Variants in PGP observed in about 807,000 individuals in gnomAD.
PGP encodes the protein phosphoglycolate phosphatase.
Under a neutral mutation model 19.3 loss-of-function variants are expected in PGP, and 9 were observed. That is an observed-to-expected ratio of 0.47 (90% CI 0.28 to 0.81). The LOEUF (loss-of-function observed/expected upper bound fraction) is 0.81. Ranked by LOEUF, PGP falls within the 40% of genes least tolerant of loss-of-function variation. The pLI is 0.11. For synonymous variants in PGP, 308 were observed against 226.8 expected, an observed-to-expected ratio of 1.36 and a Z score of -3.22; for missense variants, 403 against 479.9, an observed-to-expected ratio of 0.84 and a Z score of 1.50.
Position 2,212,519 on chromosome 16 carries a change from G to A in PGP, c.*1209C>T, listed in dbSNP as rs2093378068. ...CGCCCAGAACCTTGGCGAGCTGGTG[G>A]CCCTGCCAAGTCCTGCTGGCCACTG... On this transcript the variant is annotated 3_prime_UTR_variant, in exon 2 of 2. Transcript: ENST00000333503. The A allele has an allele frequency of 2.2e-5, 22 of 985,422 alleles. No homozygotes were observed. Among genetic ancestry groups the A allele is most frequent in the Non-Finnish European group, 2.7e-5 (22 of 829,992 alleles). The allele number at this position is 985,422 out of a possible 1,614,324, so 61.0% of individuals were successfully genotyped here. A position where few individuals can be genotyped will look rare whatever the true frequency, so the allele number is the denominator to read the frequency against.
In PGP at chr16:2,213,811, T is replaced by C; in HGVS notation, c.883A>G (p.Ser295Gly). The change falls in exon 2 of 2, where the codon AGT becomes GGT. Residue 295 changes from serine (S) to glycine (G), a missense_variant. Ser to Gly is a moderately conservative substitution (Grantham distance 56, BLOSUM62 0). Coordinates refer to ENST00000333503, the MANE Select transcript of PGP (RefSeq NM_001042371.3). ...ATTTTCTTCTTAGACACGCAGTCAC[T>C]TTCCTGATTATTCTTCACATCCCCT... ...TLGDVKNNQESDCVSKKKMVP... is the reference protein window; with the variant it reads ...TLGDVKNNQEGDCVSKKKMVP... 1 of 1,605,684 alleles carries C rather than the reference T, an allele frequency of 6.2e-7. No homozygotes were observed. Among genetic ancestry groups the C allele is most frequent in the Non-Finnish European group, 8.5e-7 (1 of 1,173,448 alleles).
At position 2,214,216 on chromosome 16, in the gene PGP, G is replaced by A. The variant is rs956377753; in HGVS notation, c.562C>T (p.Leu188=). ...ACGAGCAGGCAGCCGGGCTGCTGCAGGTAGCGCAGGGCCTTGGTGAGCTTC... is the reference window on the plus strand; with the variant it reads ...ACGAGCAGGCAGCCGGGCTGCTGCAAGTAGCGCAGGGCCTTGGTGAGCTTC... The part of the protein sequence containing the change: ...YMKLTKALRY[L]QQPGCLLVGT... Residue 188 remains leucine (L), a synonymous_variant, in exon 1 of 2, where the codon CTG becomes TTG. Coordinates refer to ENST00000333503, the MANE Select transcript of PGP (RefSeq NM_001042371.3). This position sits in a 1 kb window ranked among gnomAD's most constrained non-coding sequence, Gnocchi z 7.1. The A allele has an allele frequency of 2.5e-6, 4 of 1,595,572 alleles. No individual in the cohort carries two copies. The highest frequency in any genetic ancestry group is 1.7e-5 in the Admixed American group (1 of 59,822).
Position 2,213,475 on chromosome 16 carries a change from C to G in PGP, c.*253G>C. ...CAGGTGCAGAGCCTGCCCCTGCCAA[C>G]CCCACCCAAGGCCCAGAACCCAGCC... is the stretch of plus-strand genomic sequence containing the variant. On this transcript the variant is annotated 3_prime_UTR_variant, in exon 2 of 2. Coordinates refer to ENST00000333503, the MANE Select transcript of PGP (RefSeq NM_001042371.3). The G allele has an allele frequency of 1.4e-6, 1 of 709,916 alleles. No homozygotes were observed. The highest frequency in any genetic ancestry group is 1.9e-6 in the Non-Finnish European group (1 of 519,388). 44.0% of individuals were successfully genotyped at this position (709,916 alleles called of 1,614,324 possible). A position where few individuals can be genotyped will look rare whatever the true frequency, so the allele number is the denominator to read the frequency against.
At position 2,212,757 on chromosome 16, in the gene PGP, G is replaced by C. The variant is rs2093378644; in HGVS notation, c.*971C>G. On this transcript the variant is annotated 3_prime_UTR_variant, in exon 2 of 2. Transcript: ENST00000333503. ...GCTTGAGCCGCGCTGCTGGCTGCAG[G>C]GCACCTGGATGACAGGCATTCCTTG... 1 of 985,258 alleles carries C rather than the reference G, an allele frequency of 1.0e-6. No homozygotes were observed. Among genetic ancestry groups the C allele is most frequent in the Non-Finnish European group, 1.2e-6 (1 of 829,900 alleles). The allele number at this position is 985,258 out of a possible 1,614,324, so 61.0% of individuals were successfully genotyped here.
At position 2,214,518 on chromosome 16, in the gene PGP, C is replaced by A; in HGVS notation, c.260G>T (p.Gly87Val). The A allele has an allele frequency of 7.0e-7, 1 of 1,438,302 alleles. No individual in the cohort carries two copies. The highest frequency in any genetic ancestry group is 9.1e-7 in the Non-Finnish European group (1 of 1,098,824). The allele number at this position is 1,438,302 out of a possible 1,614,324, so 89.1% of individuals were successfully genotyped here. ...YAEKLRRLGFGGPAGPGASLE... is the reference protein window; with the variant it reads ...YAEKLRRLGFVGPAGPGASLE... ...GCTGGCGCCGGGCCCCGCGGGGCCG[C>A]CGAAGCCCAGGCGCCGCAGCTTCTC... The change falls in exon 1 of 2, where the codon GGC becomes GTC. Residue 87 changes from glycine (G) to valine (V), a missense_variant. Transcript: ENST00000333503. This position sits in a 1 kb window ranked among gnomAD's most constrained non-coding sequence, Gnocchi z 7.1.
rs138750077 is a variant in PGP at position 2,213,170 on chromosome 16, A to T, written c.*558T>A. 1.0e-3 allele frequency: 1,024 copies of T among 985,546 alleles called. 6 individuals are homozygous for T. The African/African-American group carries it at 0.014, about 14-fold the overall frequency. The allele number at this position is 985,546 out of a possible 1,614,324, so 61.1% of individuals were successfully genotyped here. ...AGGGAGGTGGGAGAGTGGTGAGGGC[A>T]GCACTTTGCACCCAAGGGCAGGGAG... is the stretch of plus-strand genomic sequence containing the variant. On this transcript the variant is annotated 3_prime_UTR_variant, in exon 2 of 2. Coordinates refer to ENST00000333503, the MANE Select transcript of PGP (RefSeq NM_001042371.3).
Position 2,214,311 on chromosome 16 carries a change from C to G in PGP, c.467G>C (p.Trp156Ser), listed in dbSNP as rs2093382657. The G allele has an allele frequency of 6.5e-7, 1 of 1,547,648 alleles. No individual in the cohort carries two copies. The highest frequency in any genetic ancestry group is 1.4e-5 in the African/African-American group (1 of 73,288). Residue 156 changes from tryptophan to serine, a missense_variant, in exon 1 of 2, where the codon TGG becomes TCG. By Grantham distance (177) the Trp-to-Ser change is radical (BLOSUM62 -3). Coordinates refer to ENST00000333503, the MANE Select transcript of PGP (RefSeq NM_001042371.3). The surrounding 1 kb of genome is among the most constrained non-coding windows in gnomAD (Gnocchi z 7.1). ...GTCGGGCTCCAGCGGCGCGTGCAGC[C>G]AGTCGCCGGGACCCTCGCCCTGCAG... ...EPLQGEGPGD[W>S]LHAPLEPDVR...
chr16:2,212,097 G>C lies in PGP; in HGVS notation c.*1631C>G, dbSNP rs1338745358. The C allele has an allele frequency of 3.0e-6, 3 of 985,574 alleles. No individual in the cohort carries two copies. Among genetic ancestry groups the C allele is most frequent in the Non-Finnish European group, 3.6e-6 (3 of 829,946 alleles). 61.1% of individuals were successfully genotyped at this position (985,574 alleles called of 1,614,324 possible). A position where few individuals can be genotyped will look rare whatever the true frequency, so the allele number is the denominator to read the frequency against. On this transcript the variant is annotated 3_prime_UTR_variant, in exon 2 of 2. Coordinates refer to ENST00000333503, the MANE Select transcript of PGP (RefSeq NM_001042371.3). The stretch of plus-strand genomic sequence containing the variant: ...GGGACTCCCAGCCCCTACCCGGCAA[G>C]AGAGGCATCACTGAGGCTGCATCTG...
In PGP at chr16:2,213,923, C is replaced by T. The variant is rs1596739585; in HGVS notation, c.771G>A (p.Met257Ile). 1 of 1,613,248 alleles carries T rather than the reference C, an allele frequency of 6.2e-7. No homozygotes were observed. Among genetic ancestry groups the T allele is most frequent in the African/African-American group, 1.3e-5 (1 of 75,034 alleles). The part of the protein sequence containing the change: ...EYGINPERTV[M>I]VGDRLDTDIL... ...TGTCTGTGTCCAGGCGGTCTCCCACCATGACGGTGCGCTCGGGGTTGATGC... is the reference window on the plus strand; with the variant it reads ...TGTCTGTGTCCAGGCGGTCTCCCACTATGACGGTGCGCTCGGGGTTGATGC... Residue 257 changes from methionine to isoleucine, a missense_variant, in exon 2 of 2, where the codon ATG (methionine) becomes ATA (isoleucine). Physicochemically the swap from Met to Ile is conservative, Grantham distance 10. Transcript: ENST00000333503.
chr16:2,213,467 C>G lies in PGP; in HGVS notation c.*261G>C, dbSNP rs1234681740. 4.1e-6 allele frequency: 3 copies of G among 730,050 alleles called. No homozygotes were observed. The East Asian group carries it at 1.4e-4, about 34-fold the overall frequency. 45.2% of individuals were successfully genotyped at this position (730,050 alleles called of 1,614,324 possible). A position where few individuals can be genotyped will look rare whatever the true frequency, so the allele number is the denominator to read the frequency against. On this transcript the variant is annotated 3_prime_UTR_variant, in exon 2 of 2. Transcript: ENST00000333503. ...ATCCCGGACAGGTGCAGAGCCTGCC[C>G]CTGCCAACCCCACCCAAGGCCCAGA...
Position 2,214,094 on chromosome 16 carries a change from G to GGGGGGGGCCCCC in PGP, c.641-42_641-41insGGGGGCCCCCCC. ...GACCGGGTCAAAGGGCAGGGAGGGG[G>GGGGGGGGCCCCC]CCCGCCGCCCGCCCCCCAGCCTCCC... On this transcript the variant is annotated intron_variant, in intron 1 of 1. Transcript: ENST00000333503. The surrounding 1 kb of genome is among the most constrained non-coding windows in gnomAD (Gnocchi z 7.1). The GGGGGGGGCCCCC allele has an allele frequency of 6.5e-7, 1 of 1,544,858 alleles. No individual in the cohort carries two copies. The highest frequency in any genetic ancestry group is 8.7e-7 in the Non-Finnish European group (1 of 1,152,944).
chr16:2,214,469 G>A lies in PGP; in HGVS notation c.309C>T (p.Tyr103=). The A allele has an allele frequency of 1.5e-6, 2 of 1,378,488 alleles. No individual in the cohort carries two copies. Among genetic ancestry groups the A allele is most frequent in the Non-Finnish European group, 1.9e-6 (2 of 1,073,492 alleles). 85.4% of individuals were successfully genotyped at this position (1,378,488 alleles called of 1,614,324 possible). A position where few individuals can be genotyped will look rare whatever the true frequency, so the allele number is the denominator to read the frequency against. ...GASLEVFGTA[Y]CTALYLRQRL... is the part of the protein sequence containing the mutation. ...GCTGGCGCAGGTAGAGCGCGGTGCAGTAGGCCGTGCCGAAGACCTCCAGGC... is the reference window on the plus strand; with the variant it reads ...GCTGGCGCAGGTAGAGCGCGGTGCAATAGGCCGTGCCGAAGACCTCCAGGC... Residue 103 remains tyrosine, a synonymous_variant, in exon 1 of 2, where the codon TAC becomes TAT. Coordinates refer to ENST00000333503, the MANE Select transcript of PGP (RefSeq NM_001042371.3). The surrounding 1 kb of genome is among the most constrained non-coding windows in gnomAD (Gnocchi z 7.1).
At position 2,214,529 on chromosome 16, in the gene PGP, G is replaced by A. The variant is rs78258383; in HGVS notation, c.249C>T (p.Arg83=). 2,450 of 1,448,206 alleles carry A rather than the reference G, an allele frequency of 1.7e-3. 39 individuals are homozygous for A. In the African/African-American group the frequency reaches 0.032, roughly 19 times the overall value. The allele number at this position is 1,448,206 out of a possible 1,614,324, so 89.7% of individuals were successfully genotyped here. A position where few individuals can be genotyped will look rare whatever the true frequency, so the allele number is the denominator to read the frequency against. Residue 83 remains arginine (R), a synonymous_variant, in exon 1 of 2, where the codon CGC becomes CGT. Coordinates refer to ENST00000333503, the MANE Select transcript of PGP (RefSeq NM_001042371.3). The surrounding 1 kb of genome is among the most constrained non-coding windows in gnomAD (Gnocchi z 7.1). ...GCCCCGCGGGGCCGCCGAAGCCCAGGCGCCGCAGCTTCTCGGCGTAGGCAG... is the reference window on the plus strand; with the variant it reads ...GCCCCGCGGGGCCGCCGAAGCCCAGACGCCGCAGCTTCTCGGCGTAGGCAG... ...TRAAYAEKLR[R]LGFGGPAGPG...
rs942269745 is a variant in PGP, at chr16:2,214,250, G to A, written c.528C>T (p.Phe176=). Reference sequence around the variant, plus strand: ...GGGCCTTGGTGAGCTTCATGTAGCTGAAGTGCGGGTCAAAGCCCACCACCA... The same window carrying A: ...GGGCCTTGGTGAGCTTCATGTAGCTAAAGTGCGGGTCAAAGCCCACCACCA... The part of the protein sequence containing the change: ...RAVVVGFDPH[F]SYMKLTKALR... Residue 176 remains phenylalanine (F), a synonymous_variant, in exon 1 of 2, where the codon TTC becomes TTT. Coordinates refer to ENST00000333503, the MANE Select transcript of PGP (RefSeq NM_001042371.3). The surrounding 1 kb of genome is among the most constrained non-coding windows in gnomAD (Gnocchi z 7.1). 2 of 1,590,184 alleles carry A rather than the reference G, an allele frequency of 1.3e-6. No individual in the cohort carries two copies. Among genetic ancestry groups the A allele is most frequent in the African/African-American group, 2.7e-5 (2 of 74,736 alleles).
Position 2,212,723 on chromosome 16 carries a change from C to T in PGP, c.*1005G>A, listed in dbSNP as rs754597058. On this transcript the variant is annotated 3_prime_UTR_variant, in exon 2 of 2. Coordinates refer to ENST00000333503, the MANE Select transcript of PGP (RefSeq NM_001042371.3). ...TGGATGACTGACAGGCATTCCTTGG[C>T]CAACACATGCTTGAGCCGCGCTGCT... The T allele has an allele frequency of 7.5e-5, 74 of 985,304 alleles. No individual in the cohort carries two copies. The highest frequency in any genetic ancestry group is 8.7e-5 in the Non-Finnish European group (72 of 829,912). The allele number at this position is 985,304 out of a possible 1,614,324, so 61.0% of individuals were successfully genotyped here.
chr16:2,212,058 A>G lies in PGP; in HGVS notation c.*1670T>C. Reference sequence around the variant, plus strand: ...AGTGCTGCAGCCCCTCATGGGCCAGAGACAGGATGCACGGGGACTCCCAGC... The same window carrying G: ...AGTGCTGCAGCCCCTCATGGGCCAGGGACAGGATGCACGGGGACTCCCAGC... On this transcript the variant is annotated 3_prime_UTR_variant, in exon 2 of 2. Coordinates refer to ENST00000333503, the MANE Select transcript of PGP (RefSeq NM_001042371.3). The G allele has an allele frequency of 1.0e-6, 1 of 985,524 alleles. No individual in the cohort carries two copies. Among genetic ancestry groups the G allele is most frequent in the Non-Finnish European group, 1.2e-6 (1 of 829,962 alleles). The allele number at this position is 985,524 out of a possible 1,614,324, so 61.0% of individuals were successfully genotyped here.
chr16:2,213,988 G>A lies in PGP; in HGVS notation c.706C>T (p.Pro236Ser). Residue 236 changes from proline (P) to serine (S), a missense_variant, in exon 2 of 2, where the codon CCC (proline) becomes TCC (serine). Pro to Ser is a moderately conservative substitution (Grantham distance 74). Transcript: ENST00000333503. ...AQRQADIIGK[P>S]SRFIFDCVSQ... is the part of the protein sequence containing the mutation. ...ACGCAGTCGAAAATGAAGCGGCTGGGCTTCCCGATGATGTCGGCCTGGCGC... is the reference window on the plus strand; with the variant it reads ...ACGCAGTCGAAAATGAAGCGGCTGGACTTCCCGATGATGTCGGCCTGGCGC... 6.2e-7 allele frequency: 1 copy of A among 1,608,876 alleles called. No homozygotes were observed. The highest frequency in any genetic ancestry group is 8.5e-7 in the Non-Finnish European group (1 of 1,176,862).
Position 2,212,070 on chromosome 16 carries a change from C to A in PGP, c.*1658G>T, listed in dbSNP as rs114996223. On this transcript the variant is annotated 3_prime_UTR_variant, in exon 2 of 2. Coordinates refer to ENST00000333503, the MANE Select transcript of PGP (RefSeq NM_001042371.3). ...CCTCATGGGCCAGAGACAGGATGCACGGGGACTCCCAGCCCCTACCCGGCA... is the reference window on the plus strand; with the variant it reads ...CCTCATGGGCCAGAGACAGGATGCAAGGGGACTCCCAGCCCCTACCCGGCA... The A allele has an allele frequency of 1.0e-6, 1 of 985,494 alleles. No individual in the cohort carries two copies. The highest frequency in any genetic ancestry group is 4.7e-5 in the South Asian group (1 of 21,292). The allele number at this position is 985,494 out of a possible 1,614,324, so 61.0% of individuals were successfully genotyped here.
rs1159074676 is a variant in PGP at position 2,211,957 on chromosome 16, G to A, written c.*1771C>T. ...CACCCGTGGTGAGACGGCATCACCC[G>A]GGCCAATGCAAGGTGAGAGCAAGGA... is the stretch of plus-strand genomic sequence containing the variant. On this transcript the variant is annotated 3_prime_UTR_variant, in exon 2 of 2. Transcript: ENST00000333503. The A allele has an allele frequency of 4.1e-6, 4 of 985,428 alleles. No individual in the cohort carries two copies. Among genetic ancestry groups the A allele is most frequent in the African/African-American group, 1.7e-5 (1 of 57,246 alleles). 61.0% of individuals were successfully genotyped at this position (985,428 alleles called of 1,614,324 possible). A position where few individuals can be genotyped will look rare whatever the true frequency, so the allele number is the denominator to read the frequency against.
Sources: gnomAD v4.1 joint callset for allele counts on GRCh38, gnomAD v4.1.1 for gene constraint, Gnocchi (gnomAD v3.1) non-coding constraint, MANE v1.5 for transcripts, NCBI Gene and HGNC (gene_info 2026-07-23, HGNC 2026-07-21) for gene names.